The following MELK variants were observed in gnomAD, a reference collection of about 807,000 sequenced individuals.
MELK encodes the protein maternal embryonic leucine zipper kinase, also known as pEg3 kinase.
In MELK, 81 loss-of-function variants were observed where a neutral mutation model predicts 85.0. That is an observed-to-expected ratio of 0.95 (90% CI 0.80 to 1.15). The LOEUF is 1.15. Among genes scored for constraint, MELK ranks in the 50% most tolerant of loss-of-function variants. The pLI is 0.00. For missense variants in MELK, 754 were observed against 777.5 expected (o/e 0.97, Z 0.36); for synonymous variants, 252 against 265.0 (o/e 0.95, Z 0.48).
At chr9:36,615,295 GC>G (rs1320135378) in intron 8 of MELK, among the ~76,000 whole-genome samples, 1 of 127,186 alleles carries the variant, frequency 7.9e-6, no homozygotes, top group African/African-American at 3.6e-5. Flanking sequence ...CAGGCGGGGG[GC>G]TGATCCCCCC....
intron 13 of MELK, among the ~76,000 whole-genome samples, chr9:36,658,692 T>TTTTGTTTG (rs1236201174): frequency 6.9e-6 from 1 of 145,556 alleles, no homozygotes; most frequent in Non-Finnish European, 1.5e-5. Flanking sequence ...GGGCCATCCT[T>TTTTGTTTG]TTTGTTTGTT....
At chr9:36,641,761 C>A (rs1015569509) in intron 10 of MELK, among the ~76,000 whole-genome samples, 6 of 151,984 alleles carry the variant, frequency 3.9e-5, no homozygotes, top group Non-Finnish European at 8.8e-5. Flanking sequence ...GCATGCACCA[C>A]CACGCCTGGC....
chr9:36,618,791 T>TGA (rs1420685827), intron 8 of MELK, among the ~76,000 whole-genome samples: 1 of 152,156 alleles, frequency 6.6e-6, no homozygotes, highest in Non-Finnish European at 1.5e-5. Flanking sequence ...CATTCTTTCT[T>TGA]AAGAGTGTCT....
chr9:36,669,260 G>T, intron 14 of MELK, 50 bp from the exon 15 acceptor site: 1 of 1,235,678 alleles, frequency 8.1e-7, no homozygotes, highest in South Asian at 1.5e-5. Context: ...AGAAATTTCA[G>T]AACCATAGTA....
At chr9:36,619,304 TC>T (rs1564170441) in intron 8 of MELK, among the ~76,000 whole-genome samples, 4 of 152,144 alleles carry the variant, frequency 2.6e-5, no homozygotes, top group Admixed American at 2.0e-4. Context: ...GTATAATACC[TC>T]TCAGCCAGGT....
At chr9:36,636,790 G>GTT (rs1554729015) in intron 10 of MELK, among the ~76,000 whole-genome samples, 1 of 67,620 alleles carries the variant, frequency 1.5e-5, no homozygotes, top group African/African-American at 4.1e-5. Context: ...CTTTCTGTCT[G>GTT]TCTTTCTTTC....
At chr9:36,671,270 GTATT>G in intron 16 of MELK, 104 bp downstream of exon 16, 1 of 1,229,796 alleles carries the variant, frequency 8.1e-7, no homozygotes. Flanking sequence ...TTTTATTTGA[GTATT>G]TATTCACTTA....
chr9:36,649,343 C>A (rs986459093), intron 11 of MELK, among the ~76,000 whole-genome samples: 1 of 151,860 alleles, frequency 6.6e-6, no homozygotes, highest in Non-Finnish European at 1.5e-5. Context: ...AAAAAATAGC[C>A]GGGTGTGGTG....
At chr9:36,613,715 G>A (rs963647551) in intron 8 of MELK, among the ~76,000 whole-genome samples, 3 of 152,050 alleles carry the variant, frequency 2.0e-5, no homozygotes, top group African/African-American at 4.8e-5. Flanking sequence ...AAATATTTCC[G>A]GCAGAGGGAA....
intron 4 of MELK, among the ~76,000 whole-genome samples, chr9:36,592,617 AATT>A (rs1188350767): frequency 2.0e-5 from 3 of 152,126 alleles, no homozygotes; most frequent in South Asian, 4.1e-4. Flanking sequence ...AATGGTCACA[AATT>A]ATTACTTTGC....
At chr9:36,648,929 G>C (rs1830453202) in intron 11 of MELK, among the ~76,000 whole-genome samples, 2 of 152,004 alleles carry the variant, frequency 1.3e-5, no homozygotes, top group South Asian at 4.1e-4. Context: ...CAAAACAAAT[G>C]GAGTAAGGTG....
At position 36,641,858 on chromosome 9, in the gene MELK, C is replaced by T. The variant is rs576667383; in HGVS notation, c.835-1139C>T. Among the ~76,000 whole-genome samples, 376 of 152,214 alleles carry T rather than the reference C, an allele frequency of 2.5e-3. 1 individual carries two copies. The highest frequency in any genetic ancestry group is 4.5e-3 in the Non-Finnish European group (304 of 68,006). ...CCAACCTAAGATGATCCACCCACCT[C>T]GGCCTCCCAAAGTGCTGGGATTACA... is the stretch of plus-strand genomic sequence containing the variant. On this transcript the variant is annotated intron_variant, in intron 10 of 17. Coordinates refer to ENST00000298048, the MANE Select transcript of MELK (RefSeq NM_014791.4).
chr9:36,668,186 G>GAT (rs1200710806), intron 14 of MELK, among the ~76,000 whole-genome samples: 4 of 152,198 alleles, frequency 2.6e-5, no homozygotes, highest in Non-Finnish European at 4.4e-5. Flanking sequence ...TATGGTGATA[G>GAT]ATACTGTCTG....
intron 10 of MELK, among the ~76,000 whole-genome samples, chr9:36,634,693 G>A (rs181926048): frequency 2.0e-5 from 3 of 151,808 alleles, no homozygotes; most frequent in Non-Finnish European, 4.4e-5. Flanking sequence ...GTGACAGAGC[G>A]AGACTCTGTT....
At chr9:36,665,257 AGTACAAG>A (rs1274415601) in intron 13 of MELK, 86 bp from the exon 14 acceptor site, 2 of 691,012 alleles carry the variant, frequency 2.9e-6, no homozygotes, top group Non-Finnish European at 4.9e-6. Context: ...TAATAAAAAT[AGTACAAG>A]GTAGTTTGCA....
chr9:36,609,510 C>T (rs12238179), intron 8 of MELK, among the ~76,000 whole-genome samples: 14,525 of 147,872 alleles, frequency 0.098, 745 homozygotes, highest in Middle Eastern at 0.15. Flanking sequence ...TGCAGGAGTG[C>T]GATCATGGCT....
chr9:36,580,407 C>T (rs1289882263), intron 1 of MELK, among the ~76,000 whole-genome samples: 1 of 152,068 alleles, frequency 6.6e-6, no homozygotes, highest in Non-Finnish European at 1.5e-5. Flanking sequence ...GCAACCTCCG[C>T]CTCCCAGGTT....
intron 1 of MELK, among the ~76,000 whole-genome samples, chr9:36,577,405 A>AC (rs1821767780): frequency 6.6e-6 from 1 of 152,084 alleles, no homozygotes; most frequent in Non-Finnish European, 1.5e-5. Flanking sequence ...AGTCCCAGCT[A>AC]CTTGGGAGGC....
chr9:36,642,488 G>T (rs1369624912), intron 10 of MELK, among the ~76,000 whole-genome samples: 1 of 145,956 alleles, frequency 6.9e-6, no homozygotes, highest in Admixed American at 7.0e-5. Context: ...GAGTGCAGTG[G>T]CACAGTGTCA....
Sources: gnomAD v4.1 joint callset for allele counts (sites outside exome capture counted in the v4.1 genomes callset) on GRCh38, gnomAD v4.1.1 for gene constraint, MANE v1.5 for transcripts, NCBI Gene and HGNC (gene_info 2026-07-23, HGNC 2026-07-21) for gene names.